Variants in PCGF3 observed in about 807,000 individuals in gnomAD.
PCGF3 encodes the protein polycomb group RING finger protein 3.
PCGF3 carries 7 observed loss-of-function variants against 33.1 expected under a neutral mutation model. The ratio of observed to expected loss-of-function variants is 0.21; its 90% confidence interval spans 0.12 to 0.40. The LOEUF is 0.40. Among genes scored for constraint, PCGF3 ranks in the 10% least tolerant of loss-of-function variants. The pLI, the probability that PCGF3 is intolerant of heterozygous loss-of-function variation, is 1.00. For synonymous variants in PCGF3, 153 were observed against 121.3 expected (o/e 1.26, Z -1.72); for missense variants, 211 against 313.3 (o/e 0.67, Z 2.46).
At chr4:733,591 G>T in intron 3 of PCGF3, 81 bp from the exon 4 acceptor site, 13 of 1,432,204 alleles carry the variant, frequency 9.1e-6, no homozygotes, top group Non-Finnish European at 1.2e-5. Context: ...TGTCCTCCCT[G>T]GGGGCGGCTG....
chr4:751,577 G>A lies in PCGF3; in HGVS notation c.462+6889G>A, dbSNP rs569389714. On this transcript the variant is annotated intron_variant, in intron 8 of 10. Transcript: ENST00000362003. ...ACTCTTAAGCCCTCCTCAGTCACTCGGATGAACTGATTAAATTCTGTGCTT... is the reference window on the plus strand; with the variant it reads ...ACTCTTAAGCCCTCCTCAGTCACTCAGATGAACTGATTAAATTCTGTGCTT... 2.6e-4 allele frequency among the ~76,000 whole-genome samples: 39 copies of A among 151,936 alleles called. 1 individual carries two copies. The South Asian group carries it at 7.5e-3, about 29-fold the overall frequency.
rs950245897 is a variant in PCGF3 at position 720,675 on chromosome 4, C to T, written c.-189-9955C>T. ...ACGGGCGGTGACGTGCGTGTGGACC[C>T]GGGGTGGACGGGCGGTGACGTGCGT... On this transcript the variant is annotated intron_variant, in intron 1 of 10. Transcript: ENST00000362003. This position sits in a 1 kb window ranked among gnomAD's most constrained non-coding sequence, Gnocchi z 5.6. 2.5e-4 allele frequency among the ~76,000 whole-genome samples: 38 copies of T among 150,888 alleles called. No individual in the cohort carries two copies. Among genetic ancestry groups the T allele is most frequent in the Non-Finnish European group, 4.6e-4 (31 of 67,658 alleles).
rs1314985744 is a variant in PCGF3 at position 741,858 on chromosome 4, C to G, written c.263-1616C>G. ...GTTGCTTTCCACTGTGTCCGTGGGG[C>G]TCTCTCCTTTGCACGGACCTATGTG... On this transcript the variant is annotated intron_variant, in intron 6 of 10. Transcript: ENST00000362003. Among the ~76,000 whole-genome samples the G allele has an allele frequency of 2.0e-5, 3 of 152,268 alleles. No homozygotes were observed. In the East Asian group the frequency reaches 5.8e-4, roughly 29 times the overall value.
chr4:729,684 T>G (rs1743472396), intron 1 of PCGF3, among the ~76,000 whole-genome samples: 1 of 152,234 alleles, frequency 6.6e-6, no homozygotes, highest in Admixed American at 6.5e-5. Flanking sequence ...CTCTACTCTT[T>G]CCCTTCTTCC....
chr4:734,871 C>T (rs753845467), intron 4 of PCGF3, 60 bp from the exon 5 acceptor site: 119 of 1,576,300 alleles, frequency 7.5e-5, no homozygotes, highest in Non-Finnish European at 1.0e-4. Flanking sequence ...TGGAGCACGC[C>T]GATGGGGTGG....
chr4:726,852 C>G (rs1394883482), intron 1 of PCGF3, among the ~76,000 whole-genome samples: 2 of 152,238 alleles, frequency 1.3e-5, no homozygotes, highest in African/African-American at 4.8e-5. Flanking sequence ...TGTCCAGTTT[C>G]ATGGACTTGC....
chr4:743,608 A>G (rs754331182), intron 7 of PCGF3, 24 bp downstream of exon 7: 3 of 1,401,816 alleles, frequency 2.1e-6, no homozygotes, highest in Non-Finnish European at 1.0e-6. Flanking sequence ...GTGCCCATCC[A>G]GAAGCCCCGG....
chr4:754,028 T>A (rs996387242), intron 8 of PCGF3, among the ~76,000 whole-genome samples: 1 of 152,134 alleles, frequency 6.6e-6, no homozygotes, highest in Non-Finnish European at 1.5e-5. Flanking sequence ...CCTCCGTCTT[T>A]GGTGGTCCTG....
intron 1 of PCGF3, among the ~76,000 whole-genome samples, chr4:712,635 A>T (rs1457220932): frequency 6.6e-6 from 1 of 152,078 alleles, no homozygotes; most frequent in Non-Finnish European, 1.5e-5. Context: ...TTTAGTAGAG[A>T]TGGGGTTTTG....
exon 11 of PCGF3, chr4:768,062 T>C (rs1894): frequency 0.21 from 31,666 of 152,680 alleles, 3,457 homozygotes; most frequent in African/African-American, 0.24. Context: ...TCATAATATA[T>C]ATTTGTAACT....
chr4:761,625 C>G (rs1430133966), intron 9 of PCGF3: 1 of 972,454 alleles, frequency 1.0e-6, no homozygotes, highest in Non-Finnish European at 1.2e-6. Flanking sequence ...ACGTGGAATG[C>G]TACTGTGAGT....
At position 733,657 on chromosome 4, in the gene PCGF3, C is replaced by T. The variant is rs776757740; in HGVS notation, c.-9-15C>T. On this transcript the variant is annotated splice_polypyrimidine_tract_variant and intron_variant, in intron 3 of 10. Coordinates refer to ENST00000362003, the Ensembl canonical transcript of PCGF3. ...AAGAGTTTCAGGTGTTAATTAATCG[C>T]GTTTTCTCTTGTAGAAGCCAAAGAT... The T allele has an allele frequency of 1.6e-5, 26 of 1,591,698 alleles. No homozygotes were observed. The highest frequency in any genetic ancestry group is 4.5e-5 in the East Asian group (2 of 44,776).
chr4:751,441 T>G (rs1056635390), intron 8 of PCGF3, among the ~76,000 whole-genome samples: 3 of 152,180 alleles, frequency 2.0e-5, no homozygotes, highest in Non-Finnish European at 4.4e-5. Flanking sequence ...GATTTGTGCT[T>G]CGCCACGTCC....
intron 5 of PCGF3, among the ~76,000 whole-genome samples, chr4:735,748 C>T (rs1239627960): frequency 6.6e-6 from 1 of 152,242 alleles, no homozygotes; most frequent in African/African-American, 2.4e-5. Context: ...CAAGGTCTTT[C>T]TCCCTGCGCT....
chr4:719,389 A>C (rs1203148544), intron 1 of PCGF3, among the ~76,000 whole-genome samples: 1 of 152,194 alleles, frequency 6.6e-6, no homozygotes, highest in Non-Finnish European at 1.5e-5. Flanking sequence ...GTGTGTCCGC[A>C]CGAGGTTGAT....
At chr4:733,441 CG>C (rs1743701712) in intron 3 of PCGF3, among the ~76,000 whole-genome samples, 2 of 152,184 alleles carry the variant, frequency 1.3e-5, no homozygotes, top group African/African-American at 4.8e-5. Flanking sequence ...GAAGCCAGTG[CG>C]GGGGAGCCGG....
chr4:714,520 G>A (rs990381858), intron 1 of PCGF3, among the ~76,000 whole-genome samples: 9 of 152,184 alleles, frequency 5.9e-5, no homozygotes, highest in Non-Finnish European at 8.8e-5. Context: ...TTTTCAGGCC[G>A]CCTTACCTCT....
In PCGF3 at chr4:741,880, T is replaced by C. The variant is rs144832330; in HGVS notation, c.263-1594T>C. ...GGGCTCTCTCCTTTGCACGGACCTA[T>C]GTGGCCTGTTGTTCCCGTCACGGCT... On this transcript the variant is annotated intron_variant, in intron 6 of 10. Coordinates refer to ENST00000362003, the Ensembl canonical transcript of PCGF3. Among the ~76,000 whole-genome samples, 717 of 152,320 alleles carry C rather than the reference T, an allele frequency of 4.7e-3. 10 individuals carry two copies. Among genetic ancestry groups the C allele is most frequent in the African/African-American group, 0.016 (664 of 41,566 alleles).
At chr4:741,334 T>C (rs900257583) in intron 6 of PCGF3, among the ~76,000 whole-genome samples, 1 of 152,262 alleles carries the variant, frequency 6.6e-6, no homozygotes, top group Non-Finnish European at 1.5e-5. Context: ...ATGCCAACAG[T>C]GAGCTCCTCA....
Sources: gnomAD v4.1 joint callset for allele counts (sites outside exome capture counted in the v4.1 genomes callset) on GRCh38, gnomAD v4.1.1 for gene constraint, Gnocchi (gnomAD v3.1) non-coding constraint, MANE v1.5 for transcripts, NCBI Gene and HGNC (gene_info 2026-07-23, HGNC 2026-07-21) for gene names.